Variants in KCNB2 observed in about 807,000 individuals in gnomAD.
KCNB2 encodes potassium voltage-gated channel subfamily B member 2.
KCNB2 carries 15 observed loss-of-function variants against 61.5 expected under a neutral mutation model. The ratio of observed to expected loss-of-function variants is 0.24; its 90% confidence interval spans 0.16 to 0.38. KCNB2 has a LOEUF of 0.38. Ranked by LOEUF, KCNB2 falls within the 10% of genes least tolerant of loss-of-function variation. The pLI is 1.00. For missense variants in KCNB2, 828 were observed against 1,125.2 expected (o/e 0.74, Z 3.78); for synonymous variants, 457 against 446.0 (o/e 1.02, Z -0.31).
At chr8:72,694,834 TTAA>T (rs1806992598) in intron 2 of KCNB2, among the ~76,000 whole-genome samples, 2 of 151,612 alleles carry the variant, frequency 1.3e-5, no homozygotes, top group Admixed American at 1.3e-4. Flanking sequence ...CAGTAATAAA[TTAA>T]TAAATTATTA....
rs150876344 is a variant in KCNB2, at chr8:72,700,183, C to T, written c.579+131870C>T. Among the ~76,000 whole-genome samples the T allele has an allele frequency of 3.3e-3, 506 of 151,982 alleles. 3 individuals carry two copies. Among genetic ancestry groups the T allele is most frequent in the African/African-American group, 0.012 (481 of 41,440 alleles). On this transcript the variant is annotated intron_variant, in intron 2 of 2. Transcript: ENST00000523207. ...GCACAGGGAGGGGAACATCACACAC[C>T]AGGTTCTGTTGGGGTTTGGGGGGCA...
At chr8:72,598,219 G>A (rs978032801) in intron 2 of KCNB2, among the ~76,000 whole-genome samples, 5 of 152,102 alleles carry the variant, frequency 3.3e-5, no homozygotes, top group Admixed American at 2.0e-4. Context: ...CTGGCAAACC[G>A]AATCCAGCAG....
At position 72,890,822 on chromosome 8, in the gene KCNB2, G is replaced by C. The variant is rs7013848; in HGVS notation, c.580-45113G>C. ...CCGTTAGTAACTGTAAACAACGATA[G>C]ATGTAGTTCTGTTACTGTCTACTTA... On this transcript the variant is annotated intron_variant, in intron 2 of 2. Coordinates refer to ENST00000523207, the MANE Select transcript of KCNB2 (RefSeq NM_004770.3). 1.6e-3 allele frequency among the ~76,000 whole-genome samples: 244 copies of C among 152,310 alleles called. 1 individual carries two copies. Among genetic ancestry groups the C allele is most frequent in the African/African-American group, 5.4e-3 (225 of 41,560 alleles).
At chr8:72,725,596 T>TAC in intron 2 of KCNB2, among the ~76,000 whole-genome samples, 1 of 98,972 alleles carries the variant, frequency 1.0e-5, no homozygotes, top group Non-Finnish European at 2.0e-5. Flanking sequence ...TGTATGTATA[T>TAC]ATATATATAT....
chr8:72,830,301 G>C (rs1175587875), intron 2 of KCNB2, among the ~76,000 whole-genome samples: 1 of 150,162 alleles, frequency 6.7e-6, no homozygotes, highest in Non-Finnish European at 1.5e-5. Context: ...GGAGACCTCA[G>C]CTTTTCTATC....
At chr8:72,870,645 TC>T (rs1362956029) in intron 2 of KCNB2, among the ~76,000 whole-genome samples, 2 of 152,212 alleles carry the variant, frequency 1.3e-5, no homozygotes, top group Non-Finnish European at 2.9e-5. Context: ...AGTTTTGGCT[TC>T]CCCATAAGTT....
At chr8:72,750,866 G>T (rs1324483049) in intron 2 of KCNB2, 1 of 152,090 alleles carries the variant, frequency 6.6e-6, no homozygotes. Context: ...AAAATCAAAT[G>T]ATATCAGTCA....
intron 2 of KCNB2, among the ~76,000 whole-genome samples, chr8:72,675,035 T>C (rs930268091): frequency 1.3e-5 from 2 of 152,348 alleles, no homozygotes; most frequent in Middle Eastern, 3.4e-3. Context: ...GACTTCTATT[T>C]GCTCCTTTAG....
intron 2 of KCNB2, among the ~76,000 whole-genome samples, chr8:72,628,431 G>T (rs1030630514): frequency 7.1e-6 from 1 of 140,338 alleles, no homozygotes; most frequent in East Asian, 2.0e-4. Flanking sequence ...GTGTGTGTGT[G>T]TGTGTGTGTG....
intron 2 of KCNB2, among the ~76,000 whole-genome samples, chr8:72,707,320 G>A (rs1215800395): frequency 6.6e-6 from 1 of 152,140 alleles, no homozygotes; most frequent in Non-Finnish European, 1.5e-5. Context: ...CTTCTTGGGA[G>A]CCCAGAGAAG....
In KCNB2 at chr8:72,763,084, A is replaced by C. The variant is rs575644859; in HGVS notation, c.580-172851A>C. 2.4e-4 allele frequency among the ~76,000 whole-genome samples: 37 copies of C among 151,550 alleles called. 1 individual carries two copies. Among genetic ancestry groups the C allele is most frequent in the African/African-American group, 8.7e-4 (36 of 41,418 alleles). On this transcript the variant is annotated intron_variant, in intron 2 of 2. Coordinates refer to ENST00000523207, the MANE Select transcript of KCNB2 (RefSeq NM_004770.3). ...AACAGAAAAAGAAATGCTTTTAAAC[A>C]AACTGTTCTTGGGTCATTTCTATCC...
intron 2 of KCNB2, among the ~76,000 whole-genome samples, chr8:72,780,693 GTA>G (rs1468478194): frequency 6.6e-6 from 1 of 152,152 alleles, no homozygotes; most frequent in Non-Finnish European, 1.5e-5. Context: ...ATGTGTGCAT[GTA>G]TCTTTATAAC....
chr8:72,767,449 A>G (rs565795348), intron 2 of KCNB2, among the ~76,000 whole-genome samples: 2 of 152,290 alleles, frequency 1.3e-5, no homozygotes, highest in East Asian at 3.9e-4. Flanking sequence ...GTGACCACTA[A>G]TCTGTTTCAT....
chr8:72,537,628 G>A lies in KCNB2; in HGVS notation c.-351G>A, dbSNP rs41265254. 11,408 of 152,422 alleles carry A rather than the reference G, an allele frequency of 0.075. 945 individuals are homozygous for A. Among genetic ancestry groups the A allele is most frequent in the African/African-American group, 0.21 (8,513 of 41,516 alleles). The allele number at this position is 152,422 out of a possible 1,614,324, so 9.4% of individuals were successfully genotyped here. On this transcript the variant is annotated 5_prime_UTR_variant, in exon 1 of 3. Transcript: ENST00000523207. ...TTAAAGGATGCCTTAGCTTCCTCCC[G>A]CCGCCTTTCCTCTGAGCCTTCCTAC... is the stretch of plus-strand genomic sequence containing the variant.
chr8:72,861,849 C>G (rs1445583859), intron 2 of KCNB2, among the ~76,000 whole-genome samples: 2 of 152,156 alleles, frequency 1.3e-5, no homozygotes, highest in African/African-American at 4.8e-5. Context: ...TAGTTTACGT[C>G]TCCTGTGGCC....
At chr8:72,561,830 A>C in intron 1 of KCNB2, among the ~76,000 whole-genome samples, 1 of 137,852 alleles carries the variant, frequency 7.3e-6, no homozygotes, top group Non-Finnish European at 1.6e-5. Context: ...ACTTGCTATA[A>C]TGTTATTGGT....
At chr8:72,640,975 T>C (rs1327870157) in intron 2 of KCNB2, among the ~76,000 whole-genome samples, 1 of 152,104 alleles carries the variant, frequency 6.6e-6, no homozygotes, top group East Asian at 1.9e-4. Context: ...ATTCATACTA[T>C]GCACATCTTT....
intron 2 of KCNB2, among the ~76,000 whole-genome samples, chr8:72,846,730 ATGG>A (rs1188841002): frequency 6.6e-6 from 1 of 152,188 alleles, no homozygotes; most frequent in Non-Finnish European, 1.5e-5. Flanking sequence ...ACCAATTAGA[ATGG>A]TGATCATTAA....
intron 2 of KCNB2, among the ~76,000 whole-genome samples, chr8:72,714,933 A>G (rs1807401289): frequency 6.6e-6 from 1 of 152,226 alleles, no homozygotes; most frequent in African/African-American, 2.4e-5. Context: ...GTGCAGAGAC[A>G]CACATAGGCT....
Sources: gnomAD v4.1 joint callset for allele counts (sites outside exome capture counted in the v4.1 genomes callset) on GRCh38, gnomAD v4.1.1 for gene constraint, MANE v1.5 for transcripts, NCBI Gene and HGNC (gene_info 2026-07-23, HGNC 2026-07-21) for gene names.